EBF2: variants seen among roughly 807,000 people sequenced by gnomAD.
EBF2 encodes the protein EBF transcription factor 2, also known as transcription factor COE2.
In EBF2, 21 loss-of-function variants were observed where a neutral mutation model predicts 72.8. The observed-to-expected ratio is 0.29, with a 90% CI of 0.20 to 0.42. The LOEUF (loss-of-function observed/expected upper bound fraction) is 0.42. Ranked by LOEUF, EBF2 falls within the 10% of genes least tolerant of loss-of-function variation. The pLI is 1.00. For synonymous variants in EBF2, 299 were observed against 274.2 expected (o/e 1.09, Z -0.89); for missense variants, 637 against 731.2 (o/e 0.87, Z 1.49).
At chr8:25,872,584 G>GA (rs1802458807) in intron 10 of EBF2, among the ~76,000 whole-genome samples, 1 of 152,138 alleles carries the variant, frequency 6.6e-6, no homozygotes, top group Admixed American at 6.5e-5. Flanking sequence ...ACAGCCCACA[G>GA]AACTAGAGGA....
At chr8:25,922,659 A>G (rs1384495548) in intron 6 of EBF2, among the ~76,000 whole-genome samples, 2 of 152,226 alleles carry the variant, frequency 1.3e-5, no homozygotes, top group Non-Finnish European at 2.9e-5. Flanking sequence ...CTAGTCCCCA[A>G]AAGTTGAAAC....
At chr8:25,941,763 A>G (rs964465009) in intron 6 of EBF2, among the ~76,000 whole-genome samples, 8 of 152,124 alleles carry the variant, frequency 5.3e-5, no homozygotes, top group Non-Finnish European at 7.4e-5. Flanking sequence ...ACCTGCCCCT[A>G]CAGGTGCTGC....
chr8:25,992,764 C>A (rs1000639020), intron 6 of EBF2, among the ~76,000 whole-genome samples: 1 of 151,738 alleles, frequency 6.6e-6, no homozygotes, highest in Non-Finnish European at 1.5e-5. Context: ...ATTAGCAGGG[C>A]TTGGTGGCAC....
intron 6 of EBF2, among the ~76,000 whole-genome samples, chr8:26,001,958 G>A (rs1050812314): frequency 1.3e-5 from 2 of 152,168 alleles, no homozygotes; most frequent in African/African-American, 4.8e-5. Flanking sequence ...GAATGGGGAT[G>A]ACAGATAAAA....
intron 6 of EBF2, among the ~76,000 whole-genome samples, chr8:25,926,904 A>G (rs952981777): frequency 1.3e-5 from 2 of 152,236 alleles, no homozygotes; most frequent in African/African-American, 4.8e-5. Context: ...GGAGGTCCAC[A>G]TGATCTTTTC....
At chr8:26,043,470 C>A (rs895110304) in intron 1 of EBF2, among the ~76,000 whole-genome samples, 2 of 152,246 alleles carry the variant, frequency 1.3e-5, no homozygotes, top group Non-Finnish European at 2.9e-5. Flanking sequence ...GTTGGCTCTG[C>A]GGTGCTGCCT....
chr8:25,947,051 G>T (rs2117164122), intron 6 of EBF2, among the ~76,000 whole-genome samples: 1 of 152,206 alleles, frequency 6.6e-6, no homozygotes, highest in East Asian at 1.9e-4. Context: ...TGGTCCCCTA[G>T]TTTTTTTGTC....
At chr8:25,967,016 T>C (rs781567104) in intron 6 of EBF2, among the ~76,000 whole-genome samples, 9 of 152,198 alleles carry the variant, frequency 5.9e-5, no homozygotes, top group East Asian at 3.8e-4. Context: ...AAAGCTGCCA[T>C]GGATGCTGCT....
intron 6 of EBF2, among the ~76,000 whole-genome samples, chr8:25,923,140 G>C (rs558078604): frequency 6.6e-6 from 1 of 152,130 alleles, no homozygotes; most frequent in Non-Finnish European, 1.5e-5. Flanking sequence ...TCGGGAAGGC[G>C]CACCGTGGAG....
Position 25,949,169 on chromosome 8 carries a change from T to C in EBF2, c.552-40614A>G, listed in dbSNP as rs59967177. Among the ~76,000 whole-genome samples the C allele has an allele frequency of 6.3e-3, 961 of 152,264 alleles. 8 individuals carry two copies. Among genetic ancestry groups the C allele is most frequent in the African/African-American group, 0.022 (905 of 41,540 alleles). ...AGGTTCATAATCATTATTGTTTCTA[T>C]TTTATGGATGAGAAAATTGGGGTGC... On this transcript the variant is annotated intron_variant, in intron 6 of 15. Coordinates refer to ENST00000520164, the MANE Select transcript of EBF2 (RefSeq NM_022659.4).
chr8:25,853,149 C>T (rs1802017183), intron 14 of EBF2, among the ~76,000 whole-genome samples: 1 of 152,086 alleles, frequency 6.6e-6, no homozygotes, highest in South Asian at 2.1e-4. Flanking sequence ...AGATTAAAGA[C>T]ATTTTTAAAA....
intron 9 of EBF2, among the ~76,000 whole-genome samples, chr8:25,887,253 A>C (rs1802705515): frequency 1.3e-5 from 2 of 149,286 alleles, no homozygotes. Context: ...TGCCAACCCC[A>C]CCCTCACCCC....
intron 7 of EBF2, among the ~76,000 whole-genome samples, chr8:25,901,722 G>A (rs1209512488): frequency 6.6e-6 from 1 of 152,150 alleles, no homozygotes; most frequent in East Asian, 1.9e-4. Context: ...CACACTTACT[G>A]TTACTATAAT....
intron 5 of EBF2, among the ~76,000 whole-genome samples, chr8:26,036,533 C>A (rs1332037920): frequency 5.9e-5 from 6 of 101,066 alleles, no homozygotes; most frequent in Admixed American, 3.7e-4. Context: ...GTTAAGTTGG[C>A]CAAAGCAAAT....
chr8:25,876,212 T>C (rs1361525936), intron 10 of EBF2, among the ~76,000 whole-genome samples: 1 of 151,956 alleles, frequency 6.6e-6, no homozygotes, highest in African/African-American at 2.4e-5. Flanking sequence ...AGCTGAACAA[T>C]GAGAACACAT....
intron 6 of EBF2, among the ~76,000 whole-genome samples, chr8:25,932,431 A>G (rs1027099329): frequency 6.6e-6 from 1 of 151,640 alleles, no homozygotes; most frequent in African/African-American, 2.4e-5. Context: ...AATCTGGAGC[A>G]GACATTAAAT....
At chr8:25,983,094 G>A (rs549009266) in intron 6 of EBF2, among the ~76,000 whole-genome samples, 5 of 152,136 alleles carry the variant, frequency 3.3e-5, no homozygotes, top group African/African-American at 1.2e-4. Context: ...CCGCATGCAC[G>A]AGCACGTTCA....
intron 15 of EBF2, 141 bp from the exon 16 acceptor site, chr8:25,844,781 C>A (rs906522958): frequency 4.7e-6 from 5 of 1,062,480 alleles, no homozygotes; most frequent in Non-Finnish European, 7.1e-6. Flanking sequence ...ATATGAGGAC[C>A]TGTTCTCCAG....
At chr8:25,883,415 C>CT (rs34634008) in intron 10 of EBF2, among the ~76,000 whole-genome samples, 87 of 146,408 alleles carry the variant, frequency 5.9e-4, no homozygotes, top group East Asian at 1.6e-3. Context: ...AGCCATCTCC[C>CT]TTTTTTTTTT....
Sources: allele counts gnomAD v4.1 joint callset (sites outside exome capture counted in the v4.1 genomes callset), GRCh38; gene constraint gnomAD v4.1.1; transcripts MANE v1.5; gene names NCBI Gene and HGNC (gene_info 2026-07-23, HGNC 2026-07-21).